Variants in NUP153 observed in about 807,000 individuals in gnomAD.
The protein encoded by NUP153 is nuclear pore complex protein Nup153.
Under a neutral mutation model 134.6 loss-of-function variants are expected in NUP153, and 27 were observed. The ratio of observed to expected loss-of-function variants is 0.20; its 90% CI spans 0.15 to 0.28. NUP153 has a LOEUF of 0.28. Ranked by LOEUF, NUP153 falls within the 10% of genes least tolerant of loss-of-function variation. The probability of loss-of-function intolerance (pLI) is 1.00; values close to 1 mark genes in which losing one functional copy is unlikely to be tolerated. For missense variants in NUP153, 1,821 were observed against 1,731.3 expected (o/e 1.05, Z -0.92); for synonymous variants, 640 against 623.5 (o/e 1.03, Z -0.40).
chr6:17,653,497 C>T (rs1766625000), intron 11 of NUP153, among the ~76,000 whole-genome samples: 1 of 152,098 alleles, frequency 6.6e-6, no homozygotes, highest in Admixed American at 6.6e-5. Flanking sequence ...CTTTAGAAAA[C>T]AGTATGATGG....
At chr6:17,691,639 C>T (rs1038233521) in intron 1 of NUP153, among the ~76,000 whole-genome samples, 4 of 152,024 alleles carry the variant, frequency 2.6e-5, no homozygotes, top group African/African-American at 9.7e-5. Flanking sequence ...ATGGTGCATG[C>T]CTGTAATCCC....
chr6:17,646,952 C>T (rs1390052748), intron 13 of NUP153, among the ~76,000 whole-genome samples: 1 of 139,032 alleles, frequency 7.2e-6, no homozygotes, highest in African/African-American at 2.7e-5. Context: ...AGACGAGGTT[C>T]CACTATGTTG....
intron 2 of NUP153, among the ~76,000 whole-genome samples, chr6:17,679,986 G>C (rs763703321): frequency 1.1e-4 from 16 of 152,082 alleles, no homozygotes; most frequent in Non-Finnish European, 1.9e-4. Flanking sequence ...ATGCTGCCTT[G>C]CGTACCCTAC....
At chr6:17,694,822 A>G (rs569893704) in intron 1 of NUP153, among the ~76,000 whole-genome samples, 1 of 151,512 alleles carries the variant, frequency 6.6e-6, no homozygotes, top group South Asian at 2.1e-4. Context: ...ACTAAAAATA[A>G]AAAAAAAGTA....
At chr6:17,677,145 G>A (rs1768268560) in intron 2 of NUP153, among the ~76,000 whole-genome samples, 2 of 152,106 alleles carry the variant, frequency 1.3e-5, no homozygotes, top group African/African-American at 4.8e-5. Context: ...AAGCCACAGG[G>A]GAGACAGAGC....
chr6:17,697,932 C>T (rs1040061822), intron 1 of NUP153, among the ~76,000 whole-genome samples: 3 of 152,184 alleles, frequency 2.0e-5, no homozygotes, highest in African/African-American at 7.2e-5. Flanking sequence ...CCTTGTCATT[C>T]CTATATATCC....
chr6:17,640,990 C>T (rs1021251156), intron 14 of NUP153, among the ~76,000 whole-genome samples: 4 of 152,118 alleles, frequency 2.6e-5, no homozygotes, highest in African/African-American at 9.7e-5. Context: ...ATGTTTACAT[C>T]TAAAGAGTAA....
At chr6:17,692,672 T>C (rs566707076) in intron 1 of NUP153, among the ~76,000 whole-genome samples, 2 of 152,308 alleles carry the variant, frequency 1.3e-5, no homozygotes, top group East Asian at 3.9e-4. Context: ...AAAAGTTAAA[T>C]TAAGCTTAAT....
chr6:17,673,854 G>A (rs1475691019), intron 5 of NUP153, among the ~76,000 whole-genome samples: 2 of 152,038 alleles, frequency 1.3e-5, no homozygotes, highest in African/African-American at 4.8e-5. Context: ...CAACTCCTAG[G>A]TATTTGTATT....
intron 2 of NUP153, among the ~76,000 whole-genome samples, chr6:17,682,784 G>A (rs939914345): frequency 3.9e-5 from 6 of 151,982 alleles, no homozygotes; most frequent in African/African-American, 1.5e-4. Flanking sequence ...TGGGTGTGGT[G>A]GCACATGCCT....
intron 11 of NUP153, among the ~76,000 whole-genome samples, chr6:17,660,423 T>C (rs1767108863): frequency 6.6e-6 from 1 of 152,084 alleles, no homozygotes; most frequent in Non-Finnish European, 1.5e-5. Context: ...GCATTCAACT[T>C]AAAGTAGTTA....
intron 11 of NUP153, among the ~76,000 whole-genome samples, chr6:17,656,134 G>A (rs1028307217): frequency 3.4e-5 from 5 of 146,422 alleles, no homozygotes; most frequent in Admixed American, 2.7e-4. Context: ...GAACTCAGGA[G>A]GTGGAGGTTG....
At chr6:17,646,265 T>G (rs1056050237) in intron 13 of NUP153, 111 bp from the exon 14 acceptor site, 3 of 517,568 alleles carry the variant, frequency 5.8e-6, no homozygotes, top group Non-Finnish European at 1.0e-5. Context: ...TGGAGTGCAG[T>G]GGCGCAATCC....
At chr6:17,697,652 C>G (rs1407440210) in intron 1 of NUP153, among the ~76,000 whole-genome samples, 2 of 152,152 alleles carry the variant, frequency 1.3e-5, no homozygotes, top group Non-Finnish European at 2.9e-5. Flanking sequence ...CACATCACTG[C>G]ACTCCAGCCT....
chr6:17,619,971 G>A (rs973945092), intron 20 of NUP153, among the ~76,000 whole-genome samples: 6 of 151,798 alleles, frequency 4.0e-5, no homozygotes, highest in African/African-American at 7.3e-5. Context: ...GGTGGCACGC[G>A]CCTGTAATCC....
Position 17,665,052 on chromosome 6 carries a change from C to CAA in NUP153, c.1215+185_1215+186dup, listed in dbSNP as rs10527400. ...CTGGAGACAGAGTGAGACTCCGTCT[C>CAA]AAAAAAAAAAAAATTTGATCAAGGT... On this transcript the variant is annotated intron_variant, in intron 9 of 21. Transcript: ENST00000262077. Among the ~76,000 whole-genome samples the CAA allele has an allele frequency of 1.1e-3, 77 of 69,678 alleles. 4 individuals carry two copies. The highest frequency in any genetic ancestry group is 3.8e-3 in the African/African-American group (72 of 18,836). The allele number at this position is 69,678 out of a possible 152,430, so 45.7% of individuals were successfully genotyped here.
chr6:17,646,266 G>A (rs1282071248), intron 13 of NUP153, 112 bp from the exon 14 acceptor site: 6 of 508,678 alleles, frequency 1.2e-5, no homozygotes, highest in Non-Finnish European at 2.1e-5. Context: ...GGAGTGCAGT[G>A]GCGCAATCCT....
At chr6:17,701,832 C>CGGGGGGG in intron 1 of NUP153, among the ~76,000 whole-genome samples, 1 of 44,448 alleles carries the variant, frequency 2.2e-5, no homozygotes, top group African/African-American at 1.0e-4. Flanking sequence ...GACTCTGTCT[C>CGGGGGGG]GGGGGGGGGG....
intron 17 of NUP153, among the ~76,000 whole-genome samples, chr6:17,632,236 G>C (rs1326157796): frequency 6.6e-6 from 1 of 152,240 alleles, no homozygotes; most frequent in East Asian, 1.9e-4. Flanking sequence ...GGGAGGCGGA[G>C]ATTGCAGTGA....
Sources: allele counts gnomAD v4.1 joint callset (sites outside exome capture counted in the v4.1 genomes callset), GRCh38; gene constraint gnomAD v4.1.1; transcripts MANE v1.5; gene names NCBI Gene and HGNC (gene_info 2026-07-23, HGNC 2026-07-21).